IQCJ: variants seen among roughly 807,000 people sequenced by gnomAD.
IQCJ encodes the protein IQ domain-containing protein J.
Under a neutral mutation model 11.0 loss-of-function variants are expected in IQCJ, and 9 were observed. The ratio of observed to expected loss-of-function variants is 0.82; its 90% CI spans 0.49 to 1.43. IQCJ has a LOEUF of 1.43. IQCJ is among the 40% of genes most tolerant of loss of function. The probability of loss-of-function intolerance (pLI) is 0.00; values close to 1 mark genes in which losing one functional copy is unlikely to be tolerated. For synonymous variants in IQCJ, 55 were observed against 51.3 expected (o/e 1.07, Z -0.31); for missense variants, 146 against 133.2 (o/e 1.10, Z -0.47).
rs199776598 is a variant in IQCJ, at chr3:159,109,526, C to T, written c.9+40085C>T. ...TGTAGAGTAGCCTTACTTGTATTAACTAAAAAAAAAAAAAAAAAAACCAGT... is the reference window on the plus strand; with the variant it reads ...TGTAGAGTAGCCTTACTTGTATTAATTAAAAAAAAAAAAAAAAAAACCAGT... On this transcript the variant is annotated intron_variant, in intron 1 of 3. Coordinates refer to ENST00000397832, the MANE Select transcript of IQCJ (RefSeq NM_001042706.3). Among the ~76,000 whole-genome samples the T allele has an allele frequency of 2.3e-4, 7 of 29,958 alleles. No individual in the cohort carries two copies. The East Asian group carries it at 8.5e-3, about 37-fold the overall frequency. The allele number at this position is 29,958 out of a possible 152,430, so 19.7% of individuals were successfully genotyped here.
At chr3:159,226,861 A>G (rs2108135769) in intron 1 of IQCJ, among the ~76,000 whole-genome samples, 1 of 152,166 alleles carries the variant, frequency 6.6e-6, no homozygotes, top group South Asian at 2.1e-4. Flanking sequence ...TTACCTGATG[A>G]CTCACCAAGC....
chr3:159,253,182 C>A (rs958247633), intron 3 of IQCJ, among the ~76,000 whole-genome samples: 1 of 152,118 alleles, frequency 6.6e-6, no homozygotes, highest in African/African-American at 2.4e-5. Flanking sequence ...CACACACACA[C>A]CCTTTTAAAA....
chr3:159,136,945 T>C (rs1720324239), intron 1 of IQCJ, among the ~76,000 whole-genome samples: 3 of 152,142 alleles, frequency 2.0e-5, no homozygotes, highest in Non-Finnish European at 1.5e-5. Context: ...TGTCGGGTGA[T>C]GCCAGTGACC....
chr3:159,078,542 C>T (rs538017493), intron 1 of IQCJ, among the ~76,000 whole-genome samples: 4 of 150,636 alleles, frequency 2.7e-5, no homozygotes, highest in East Asian at 2.0e-4. Flanking sequence ...TTGGCCCACC[C>T]GCCCCCCGCC....
chr3:159,228,435 G>A (rs1299696742), intron 1 of IQCJ, among the ~76,000 whole-genome samples: 1 of 152,188 alleles, frequency 6.6e-6, no homozygotes, highest in Admixed American at 6.5e-5. Context: ...GTGCACTAAT[G>A]GGGCATTTCA....
chr3:159,261,557 TC>T (rs1177743138), intron 3 of IQCJ, among the ~76,000 whole-genome samples: 1 of 152,148 alleles, frequency 6.6e-6, no homozygotes, highest in Non-Finnish European at 1.5e-5. Flanking sequence ...ACATGGGGCT[TC>T]CCCCTTTACT....
intron 1 of IQCJ, among the ~76,000 whole-genome samples, chr3:159,091,208 A>C (rs1293668869): frequency 6.6e-6 from 1 of 151,710 alleles, no homozygotes; most frequent in Non-Finnish European, 1.5e-5. Context: ...GGTGTAGGGC[A>C]GAGACAATAT....
intron 1 of IQCJ, among the ~76,000 whole-genome samples, chr3:159,092,828 G>C (rs997120728): frequency 1.3e-5 from 2 of 150,696 alleles, no homozygotes; most frequent in Non-Finnish European, 2.9e-5. Context: ...AGTATATTGT[G>C]TCATGTAAGA....
intron 1 of IQCJ, among the ~76,000 whole-genome samples, chr3:159,106,987 G>T (rs1202473715): frequency 6.6e-6 from 1 of 152,120 alleles, no homozygotes; most frequent in Non-Finnish European, 1.5e-5. Context: ...GTACAGATAG[G>T]ATTACTTTTG....
intron 1 of IQCJ, among the ~76,000 whole-genome samples, chr3:159,217,940 G>T (rs1158517616): frequency 6.6e-6 from 1 of 152,020 alleles, no homozygotes; most frequent in Non-Finnish European, 1.5e-5. Context: ...TAGAAAGAAA[G>T]CTCCTTGAGG....
chr3:159,247,384 C>A (rs765731482), intron 2 of IQCJ, among the ~76,000 whole-genome samples: 3 of 152,144 alleles, frequency 2.0e-5, no homozygotes, highest in Admixed American at 2.0e-4. Context: ...TGTGAGCCAC[C>A]GCGCCGGTCT....
At chr3:159,142,473 G>C (rs1245664486) in intron 1 of IQCJ, among the ~76,000 whole-genome samples, 2 of 151,868 alleles carry the variant, frequency 1.3e-5, no homozygotes, top group African/African-American at 4.8e-5. Flanking sequence ...CTGGAGTGCA[G>C]TGGTGTGATC....
intron 1 of IQCJ, among the ~76,000 whole-genome samples, chr3:159,103,468 C>A (rs913849146): frequency 6.6e-6 from 1 of 152,162 alleles, no homozygotes; most frequent in Non-Finnish European, 1.5e-5. Context: ...GTTGTCATAA[C>A]TTATGGCTTG....
intron 2 of IQCJ, among the ~76,000 whole-genome samples, chr3:159,251,810 T>C (rs1243112147): frequency 6.6e-6 from 1 of 152,118 alleles, no homozygotes; most frequent in Non-Finnish European, 1.5e-5. Flanking sequence ...TCCTGTACAG[T>C]AAATTTAACA....
At chr3:159,187,060 A>G (rs1311522483) in intron 1 of IQCJ, among the ~76,000 whole-genome samples, 1 of 152,242 alleles carries the variant, frequency 6.6e-6, no homozygotes, top group Non-Finnish European at 1.5e-5. Context: ...ACTGGATTAG[A>G]CAAGCTATTA....
At chr3:159,109,408 G>C (rs914991924) in intron 1 of IQCJ, among the ~76,000 whole-genome samples, 7 of 151,366 alleles carry the variant, frequency 4.6e-5, no homozygotes, top group African/African-American at 1.7e-4. Flanking sequence ...ACATTCTCTT[G>C]ACTTGGGAGA....
At chr3:159,148,725 T>A (rs888525920) in intron 1 of IQCJ, among the ~76,000 whole-genome samples, 4 of 152,206 alleles carry the variant, frequency 2.6e-5, no homozygotes, top group African/African-American at 9.6e-5. Context: ...CAAAATCACC[T>A]CTGCCTAATG....
rs184266172 is a variant in IQCJ, at chr3:159,240,363, G to C, written c.10-5480G>C. On this transcript the variant is annotated intron_variant, in intron 1 of 3. Coordinates refer to ENST00000397832, the MANE Select transcript of IQCJ (RefSeq NM_001042706.3). ...GATGTTTATAGATCATGTAGTTAAA[G>C]AGGTGGGCAATGATTGTTCTAACTG... Among the ~76,000 whole-genome samples, 46 of 152,262 alleles carry C rather than the reference G, an allele frequency of 3.0e-4. No individual in the cohort carries two copies. In the South Asian group the frequency reaches 7.9e-3, roughly 26 times the overall value.
chr3:159,211,236 T>A (rs1174910248), intron 1 of IQCJ, among the ~76,000 whole-genome samples: 2 of 152,198 alleles, frequency 1.3e-5, no homozygotes, highest in Non-Finnish European at 2.9e-5. Context: ...AAGTACACCG[T>A]TGTGGATGAG....
Sources: allele counts gnomAD v4.1 joint callset (sites outside exome capture counted in the v4.1 genomes callset), GRCh38; gene constraint gnomAD v4.1.1; transcripts MANE v1.5; gene names NCBI Gene and HGNC (gene_info 2026-07-23, HGNC 2026-07-21).